Variants in RBFOX1 observed in about 807,000 individuals in gnomAD.
RBFOX1 encodes RNA binding fox-1 homolog 1, also known as RNA binding protein fox-1 homolog 1.
A neutral mutation model predicts 57.7 loss-of-function variants in RBFOX1; 8 were observed. That is an observed-to-expected ratio of 0.14 (90% confidence interval 0.08 to 0.25). The LOEUF (loss-of-function observed/expected upper bound fraction) is 0.25, where lower values mean the gene tolerates loss of function less well. Among genes scored for constraint, RBFOX1 ranks in the 10% least tolerant of loss-of-function variants. The pLI is 1.00. For synonymous variants in RBFOX1, 326 were observed against 222.4 expected, an observed-to-expected ratio of 1.47 and a Z score of -4.15; for missense variants, 611 against 548.5, an observed-to-expected ratio of 1.11 and a Z score of -1.14.
chr16:6,948,942 G>T (rs1348750192), intron 3 of RBFOX1, among the ~76,000 whole-genome samples: 1 of 152,148 alleles, frequency 6.6e-6, no homozygotes. Context: ...ATCCTACGTT[G>T]TGTGGACGAG....
At chr16:5,759,028 C>A (rs2151639122) in intron 3 of RBFOX1, among the ~76,000 whole-genome samples, 1 of 152,294 alleles carries the variant, frequency 6.6e-6, no homozygotes, top group South Asian at 2.1e-4. Context: ...TGAGCAAATT[C>A]ATGAAACCTC....
intron 3 of RBFOX1, among the ~76,000 whole-genome samples, chr16:6,943,755 T>A (rs1038065675): frequency 1.3e-5 from 2 of 151,776 alleles, no homozygotes; most frequent in African/African-American, 4.8e-5. Context: ...TAGCTGAGTC[T>A]TGGCCAATCC....
chr16:6,831,802 C>G (rs761688989), intron 3 of RBFOX1, among the ~76,000 whole-genome samples: 6 of 152,128 alleles, frequency 3.9e-5, no homozygotes, highest in Non-Finnish European at 8.8e-5. Context: ...GTGGGAAGAA[C>G]AAGACCCAGC....
intron 3 of RBFOX1, among the ~76,000 whole-genome samples, chr16:6,893,028 C>A (rs2065901001): frequency 6.6e-6 from 1 of 152,132 alleles, no homozygotes; most frequent in South Asian, 2.1e-4. Context: ...CTGCAGTTAC[C>A]TTTGCACCAA....
chr16:5,598,710 C>T (rs1196725981), intron 2 of RBFOX1, among the ~76,000 whole-genome samples: 4 of 152,130 alleles, frequency 2.6e-5, no homozygotes, highest in Admixed American at 6.5e-5. Flanking sequence ...GTAGCCATAT[C>T]GGGCTTGTGG....
intron 2 of RBFOX1, among the ~76,000 whole-genome samples, chr16:6,342,210 G>A (rs1210433592): frequency 6.6e-6 from 1 of 152,190 alleles, no homozygotes; most frequent in Non-Finnish European, 1.5e-5. Context: ...GCAAGCTTGT[G>A]TAAGGGATTA....
intron 4 of RBFOX1, among the ~76,000 whole-genome samples, chr16:7,083,756 G>A (rs1327800678): frequency 6.6e-6 from 1 of 151,718 alleles, no homozygotes; most frequent in South Asian, 2.1e-4. Context: ...AGAAGGTAGT[G>A]CCCAGAAGGC....
chr16:5,605,515 G>A (rs979829975), intron 3 of RBFOX1, among the ~76,000 whole-genome samples: 4 of 151,968 alleles, frequency 2.6e-5, no homozygotes, highest in Non-Finnish European at 4.4e-5. Flanking sequence ...ATTAATGTCT[G>A]CCTTTGGTAT....
chr16:5,392,546 CT>C (rs936496320), intron 1 of RBFOX1, among the ~76,000 whole-genome samples: 99 of 142,964 alleles, frequency 6.9e-4, no homozygotes, highest in African/African-American at 1.5e-3. Context: ...TTCTTTTTTT[CT>C]TTTTTTTTTG....
At position 6,530,493 on chromosome 16, in the gene RBFOX1, C is replaced by T. The variant is rs141401623; in HGVS notation, c.-63-124110C>T. Among the ~76,000 whole-genome samples, 948 of 152,284 alleles carry T rather than the reference C, an allele frequency of 6.2e-3. 13 individuals are homozygous for T. Among genetic ancestry groups the T allele is most frequent in the African/African-American group, 0.021 (886 of 41,574 alleles). On this transcript the variant is annotated intron_variant, in intron 2 of 15. Coordinates refer to ENST00000550418, the MANE Select transcript of RBFOX1 (RefSeq NM_018723.4). ...TTCAAATTCTTTCTTTCTCACGATG[C>T]ATAACTATCACAGATACCTCAAATA...
chr16:7,067,036 G>A lies in RBFOX1; in HGVS notation c.27+14938G>A, dbSNP rs1248986737. On this transcript the variant is annotated intron_variant, in intron 4 of 15. Coordinates refer to ENST00000550418, the MANE Select transcript of RBFOX1 (RefSeq NM_018723.4). ...AGATTATGCACACAGAGCATCTACTGTAAGTAAATAATAATAAGTTAAGCT... is the reference window on the plus strand; with the variant it reads ...AGATTATGCACACAGAGCATCTACTATAAGTAAATAATAATAAGTTAAGCT... Among the ~76,000 whole-genome samples the A allele has an allele frequency of 2.6e-5, 4 of 152,186 alleles. No homozygotes were observed. In the East Asian group the frequency reaches 7.7e-4, roughly 29 times the overall value.
intron 3 of RBFOX1, among the ~76,000 whole-genome samples, chr16:5,703,882 A>G (rs1305842725): frequency 6.6e-6 from 1 of 152,222 alleles, no homozygotes; most frequent in Non-Finnish European, 1.5e-5. Flanking sequence ...TGCATGGCTT[A>G]CAAAGGTGCT....
intron 1 of RBFOX1, among the ~76,000 whole-genome samples, chr16:5,330,639 A>G (rs1024487981): frequency 6.6e-6 from 1 of 150,814 alleles, no homozygotes; most frequent in Non-Finnish European, 1.5e-5. Context: ...TTCTGACCTC[A>G]GGTGATCTGC....
At chr16:6,993,581 G>A (rs1363765553) in intron 3 of RBFOX1, among the ~76,000 whole-genome samples, 1 of 152,156 alleles carries the variant, frequency 6.6e-6, no homozygotes, top group Non-Finnish European at 1.5e-5. Context: ...CAAGAGTGGT[G>A]CTGCAACATA....
chr16:5,805,113 G>C (rs976177425), intron 3 of RBFOX1, among the ~76,000 whole-genome samples: 4 of 152,086 alleles, frequency 2.6e-5, no homozygotes, highest in Admixed American at 6.5e-5. Flanking sequence ...AAGCTGGGAA[G>C]GGGGCAGTTT....
intron 4 of RBFOX1, among the ~76,000 whole-genome samples, chr16:7,318,776 C>T (rs992840002): frequency 5.9e-5 from 9 of 152,120 alleles, no homozygotes; most frequent in Non-Finnish European, 1.3e-4. Flanking sequence ...CTCTCAACCG[C>T]CAGACCCACC....
At chr16:6,930,867 C>T (rs990922493) in intron 3 of RBFOX1, among the ~76,000 whole-genome samples, 1 of 152,048 alleles carries the variant, frequency 6.6e-6, no homozygotes, top group African/African-American at 2.4e-5. Flanking sequence ...ACTGTAATAG[C>T]ATGTTCCTAT....
intron 3 of RBFOX1, among the ~76,000 whole-genome samples, chr16:5,795,650 C>G (rs1218791378): frequency 6.6e-6 from 1 of 152,170 alleles, no homozygotes; most frequent in East Asian, 1.9e-4. Flanking sequence ...CCCCTGACCA[C>G]TCTTCTTCCA....
At chr16:7,524,778 G>C (rs960255449) in intron 5 of RBFOX1, among the ~76,000 whole-genome samples, 5 of 152,180 alleles carry the variant, frequency 3.3e-5, no homozygotes, top group Non-Finnish European at 7.3e-5. Flanking sequence ...AATACTTTTA[G>C]GAAGATAAGG....
Sources: gnomAD v4.1 joint callset for allele counts (sites outside exome capture counted in the v4.1 genomes callset) on GRCh38, gnomAD v4.1.1 for gene constraint, MANE v1.5 for transcripts, NCBI Gene and HGNC (gene_info 2026-07-23, HGNC 2026-07-21) for gene names.